PPFIA2: variants seen among roughly 807,000 people sequenced by gnomAD.
PPFIA2 encodes the protein liprin-alpha-2.
PPFIA2 carries 46 observed loss-of-function variants against 175.5 expected under a neutral mutation model. The observed-to-expected ratio is 0.26, with a 90% confidence interval of 0.21 to 0.34. The LOEUF (loss-of-function observed/expected upper bound fraction) is 0.34, where lower values mean the gene tolerates loss of function less well. PPFIA2 is among the 10% of genes least tolerant of loss of function. The pLI, the probability that PPFIA2 is intolerant of heterozygous loss-of-function variation, is 1.00. For synonymous variants in PPFIA2, 568 were observed against 511.4 expected, an observed-to-expected ratio of 1.11 and a Z score of -1.49; for missense variants, 1,179 against 1,506.1, an observed-to-expected ratio of 0.78 and a Z score of 3.60.
chr12:81,603,321 A>G (rs2059976365), intron 4 of PPFIA2, among the ~76,000 whole-genome samples: 1 of 151,832 alleles, frequency 6.6e-6, no homozygotes, highest in Non-Finnish European at 1.5e-5. Context: ...CATATAGTAG[A>G]TAATTTATAG....
chr12:81,348,317 C>G (rs1341379018), intron 17 of PPFIA2, among the ~76,000 whole-genome samples: 1 of 152,022 alleles, frequency 6.6e-6, no homozygotes, highest in African/African-American at 2.4e-5. Context: ...CAAATAAAAC[C>G]CTGAGTCTTT....
At chr12:81,486,849 A>C (rs1010563687) in intron 4 of PPFIA2, among the ~76,000 whole-genome samples, 2 of 151,858 alleles carry the variant, frequency 1.3e-5, no homozygotes, top group African/African-American at 4.8e-5. Context: ...CAATTTTTTG[A>C]TGAGGAAATA....
At chr12:81,666,798 AG>A (rs1442920047) in intron 4 of PPFIA2, among the ~76,000 whole-genome samples, 3 of 152,114 alleles carry the variant, frequency 2.0e-5, no homozygotes, top group African/African-American at 7.2e-5. Flanking sequence ...AGAGGCACAA[AG>A]AAGAAAGTAA....
intron 22 of PPFIA2, among the ~76,000 whole-genome samples, chr12:81,318,938 GA>G (rs796098917): frequency 7.3e-4 from 111 of 151,714 alleles, no homozygotes; most frequent in African/African-American, 2.5e-3. Context: ...GCAAAAGAAT[GA>G]AAAATTATCA....
chr12:81,387,326 G>C (rs559092043), intron 8 of PPFIA2, among the ~76,000 whole-genome samples: 16 of 152,130 alleles, frequency 1.1e-4, no homozygotes, highest in Non-Finnish European at 2.2e-4. Flanking sequence ...CTTAAGCCCT[G>C]TGATTTTTAT....
intron 24 of PPFIA2, among the ~76,000 whole-genome samples, chr12:81,293,606 C>A (rs1357734471): frequency 1.3e-5 from 2 of 151,556 alleles, no homozygotes; most frequent in African/African-American, 4.9e-5. Flanking sequence ...CCACCTCAGT[C>A]AGAATGGCTA....
chr12:81,356,889 G>T (rs1372852473), intron 16 of PPFIA2, among the ~76,000 whole-genome samples: 2 of 152,002 alleles, frequency 1.3e-5, no homozygotes. Context: ...TAAGCCCAAG[G>T]CATGCTAATT....
intron 4 of PPFIA2, among the ~76,000 whole-genome samples, chr12:81,667,585 C>G (rs2070588552): frequency 6.6e-6 from 1 of 152,040 alleles, no homozygotes; most frequent in African/African-American, 2.4e-5. Context: ...TTCAAACAAG[C>G]AACTACAATC....
At chr12:81,284,507 C>A in intron 24 of PPFIA2, 1 of 531,320 alleles carries the variant, frequency 1.9e-6, no homozygotes, top group South Asian at 2.8e-5. Flanking sequence ...TAGAAAGAGG[C>A]ATTCTGTGAA....
intron 22 of PPFIA2, among the ~76,000 whole-genome samples, chr12:81,320,790 T>A (rs920664469): frequency 2.6e-5 from 4 of 152,110 alleles, no homozygotes; most frequent in African/African-American, 7.2e-5. Flanking sequence ...CTATTCAGGA[T>A]GGTCTTGAGA....
chr12:81,446,527 G>T (rs915908342), intron 5 of PPFIA2, among the ~76,000 whole-genome samples: 5 of 152,174 alleles, frequency 3.3e-5, no homozygotes, highest in Admixed American at 3.3e-4. Context: ...TACATGAGAA[G>T]AAAATCAGAA....
chr12:81,363,139 G>C (rs1163209160), intron 14 of PPFIA2, among the ~76,000 whole-genome samples: 1 of 151,350 alleles, frequency 6.6e-6, no homozygotes, highest in African/African-American at 2.4e-5. Context: ...AGTAAATGAA[G>C]AACTTTCATT....
At chr12:81,598,154 T>C (rs534781296) in intron 4 of PPFIA2, 87 of 1,469,078 alleles carry the variant, frequency 5.9e-5, no homozygotes, top group Non-Finnish European at 7.4e-5. Flanking sequence ...ATCTGCCCCA[T>C]CCTTCTTACA....
chr12:81,677,174 T>C (rs2072691691), intron 3 of PPFIA2, among the ~76,000 whole-genome samples: 1 of 151,940 alleles, frequency 6.6e-6, no homozygotes, highest in Non-Finnish European at 1.5e-5. Context: ...TTGAAAAATA[T>C]TAAACCCATG....
intron 28 of PPFIA2, among the ~76,000 whole-genome samples, chr12:81,277,029 T>G (rs1217320555): frequency 6.6e-6 from 1 of 152,194 alleles, no homozygotes; most frequent in Admixed American, 6.5e-5. Flanking sequence ...AATATCTACA[T>G]GGAGACATCT....
intron 4 of PPFIA2, among the ~76,000 whole-genome samples, chr12:81,541,425 A>G (rs1359090940): frequency 6.6e-6 from 1 of 152,114 alleles, no homozygotes; most frequent in Non-Finnish European, 1.5e-5. Flanking sequence ...GCCTCATGAG[A>G]GGAGTTGTCT....
chr12:81,740,257 T>C (rs974771965), intron 3 of PPFIA2, among the ~76,000 whole-genome samples: 10 of 152,146 alleles, frequency 6.6e-5, no homozygotes, highest in African/African-American at 1.2e-4. Context: ...AAAACTCTGA[T>C]TGCAATGCAA....
At chr12:81,747,127 T>A (rs2083171018) in intron 3 of PPFIA2, among the ~76,000 whole-genome samples, 1 of 143,848 alleles carries the variant, frequency 7.0e-6, no homozygotes, top group South Asian at 2.3e-4. Context: ...ATATTTTATT[T>A]GGCCAAAAGA....
At chr12:81,381,659 TTC>T (rs1180775538) in intron 9 of PPFIA2, among the ~76,000 whole-genome samples, 3 of 152,126 alleles carry the variant, frequency 2.0e-5, no homozygotes, top group Non-Finnish European at 4.4e-5. Flanking sequence ...ACTTTATGAA[TTC>T]TCTGAGTTTG....
Sources: gnomAD v4.1 joint callset for allele counts (sites outside exome capture counted in the v4.1 genomes callset) on GRCh38, gnomAD v4.1.1 for gene constraint, MANE v1.5 for transcripts, NCBI Gene and HGNC (gene_info 2026-07-23, HGNC 2026-07-21) for gene names.